CCDC88A: variants seen among roughly 807,000 people sequenced by gnomAD.
The protein encoded by CCDC88A is coiled-coil and HOOK domain protein 88A.
Under a neutral mutation model 234.3 loss-of-function variants are expected in CCDC88A, and 54 were observed. That is an observed-to-expected ratio of 0.23 (90% CI 0.19 to 0.29). The LOEUF is 0.29. Among genes scored for constraint, CCDC88A ranks in the 10% least tolerant of loss-of-function variants. The pLI, the probability that CCDC88A is intolerant of heterozygous loss-of-function variation, is 1.00. For synonymous variants in CCDC88A, 753 were observed against 737.8 expected, an observed-to-expected ratio of 1.02 and a Z score of -0.33; for missense variants, 1,832 against 2,123.4, an observed-to-expected ratio of 0.86 and a Z score of 2.70.
Position 55,349,329 on chromosome 2 carries a change from A to C in CCDC88A, c.882+189T>G, listed in dbSNP as rs1669578355. 3.5e-5 allele frequency: 20 copies of C among 570,808 alleles called. 1 individual carries two copies. In the South Asian group the frequency reaches 4.7e-4, roughly 13 times the overall value. The allele number at this position is 570,808 out of a possible 1,614,324, so 35.4% of individuals were successfully genotyped here. A position where few individuals can be genotyped will look rare whatever the true frequency, so the allele number is the denominator to read the frequency against. ...ATCTTAGCAGAGTTTGAACAGCATT[A>C]ATATGGAAGAAAGTTTGGCTCTGAC... On this transcript the variant is annotated intron_variant, in intron 9 of 32. Transcript: ENST00000436346.
At chr2:55,306,994 GGA>G (rs1681661536) in intron 25 of CCDC88A, among the ~76,000 whole-genome samples, 1 of 152,126 alleles carries the variant, frequency 6.6e-6, no homozygotes. Context: ...TTGCCCATTT[GGA>G]GAGTCTACCC....
chr2:55,322,112 T>C (rs1430644201), intron 18 of CCDC88A, among the ~76,000 whole-genome samples: 2 of 152,166 alleles, frequency 1.3e-5, no homozygotes, highest in Non-Finnish European at 2.9e-5. Context: ...CTATTCTAGA[T>C]AGTAAAGGCA....
At chr2:55,305,925 T>A (rs929525686) in intron 25 of CCDC88A, among the ~76,000 whole-genome samples, 61 of 151,888 alleles carry the variant, frequency 4.0e-4, no homozygotes, top group African/African-American at 1.4e-3. Context: ...TTCTTTTTTG[T>A]TTTTTTTGAG....
At chr2:55,333,162 T>C (rs11894557) in intron 15 of CCDC88A, among the ~76,000 whole-genome samples, 5,290 of 152,266 alleles carry the variant, frequency 0.035, 279 homozygotes, top group African/African-American at 0.12. Flanking sequence ...TTCATGTTTA[T>C]AAGTCTACAG....
At chr2:55,341,500 A>T (rs768805977) in intron 12 of CCDC88A, among the ~76,000 whole-genome samples, 41 of 149,398 alleles carry the variant, frequency 2.7e-4, no homozygotes, top group Non-Finnish European at 3.9e-4. Flanking sequence ...GCTGGAGTGC[A>T]ATAGGATGAT....
intron 8 of CCDC88A, chr2:55,350,712 T>C (rs1669765934): frequency 6.6e-6 from 1 of 151,976 alleles, no homozygotes; most frequent in Non-Finnish European, 1.5e-5. Context: ...CAAGCTGGAG[T>C]GCAGTGGCAT....
At chr2:55,389,969 A>C (rs1574421579) in intron 2 of CCDC88A, among the ~76,000 whole-genome samples, 1 of 140,312 alleles carries the variant, frequency 7.1e-6, no homozygotes, top group East Asian at 2.1e-4. Flanking sequence ...TGAACCCAGG[A>C]GGCAGAGGTT....
In CCDC88A at chr2:55,303,144, G is replaced by C; in HGVS notation, c.4396C>G (p.Leu1466Val). 1.3e-6 allele frequency: 2 copies of C among 1,548,346 alleles called. No individual in the cohort carries two copies. The highest frequency in any genetic ancestry group is 2.4e-5 in the East Asian group (1 of 40,892). Residue 1466 changes from leucine to valine, a missense_variant, in exon 26 of 33, where the codon CTG (leucine) becomes GTG (valine). By Grantham distance (32) the Leu-to-Val change is conservative. Coordinates refer to ENST00000436346, the MANE Select transcript of CCDC88A (RefSeq NM_001365480.1). ...TTCCTCAAAAAGGGCAGTCTTTTCA[G>C]TGCAACCACTTTAATGTCAGAGCAT... ...LGTKKSSMVA[L>V]KRLPFLRNRP...
chr2:55,304,409 G>C (rs761875331), intron 25 of CCDC88A, among the ~76,000 whole-genome samples: 4 of 152,036 alleles, frequency 2.6e-5, no homozygotes, highest in Non-Finnish European at 4.4e-5. Flanking sequence ...GCATTATTTA[G>C]CAGCACCACT....
At chr2:55,372,715 GAAGGGCTAATGGATA>G (rs1399375263) in intron 4 of CCDC88A, among the ~76,000 whole-genome samples, 3 of 152,290 alleles carry the variant, frequency 2.0e-5, no homozygotes, top group Admixed American at 6.5e-5. Context: ...TATCAATTTT[GAAGGGCTAATGGATA>G]AAGAGGTTTC....
chr2:55,357,390 T>TCTCTCCCTCCC (rs1670733108), intron 7 of CCDC88A, among the ~76,000 whole-genome samples: 1 of 148,056 alleles, frequency 6.8e-6, no homozygotes, highest in East Asian at 2.0e-4. Flanking sequence ...CTCTCCCTCC[T>TCTCTCCCTCCC]CTCTCTCCTC....
At chr2:55,340,499 T>C (rs2104708704) in intron 12 of CCDC88A, among the ~76,000 whole-genome samples, 1 of 152,338 alleles carries the variant, frequency 6.6e-6, no homozygotes, top group South Asian at 2.1e-4. Context: ...GTTGTTAATC[T>C]TTTACTGAAA....
rs1397348816 is a variant in CCDC88A, at chr2:55,334,698, C to T, written c.2123G>A (p.Arg708Lys). 3 of 1,613,402 alleles carry T rather than the reference C, an allele frequency of 1.9e-6. No homozygotes were observed. The highest frequency in any genetic ancestry group is 1.7e-5 in the Admixed American group (1 of 59,980). Reference protein sequence around the residue: ...QLDEENLELRRNVESLKCASM... With the variant: ...QLDEENLELRKNVESLKCASM... ...TGCACACTTCAAAGATTCTACATTC[C>T]TTCGCAGTTCTAAGTTTTCCTCATC... The change falls in exon 15 of 33, where the codon AGG becomes AAG. Residue 708 changes from arginine to lysine, a missense_variant. Arg to Lys is a conservative substitution (Grantham distance 26). Transcript: ENST00000436346. The surrounding 1 kb of genome is among the most constrained non-coding windows in gnomAD (Gnocchi z 6.1).
At chr2:55,352,092 T>C (rs953481127) in intron 8 of CCDC88A, among the ~76,000 whole-genome samples, 2 of 152,098 alleles carry the variant, frequency 1.3e-5, no homozygotes, top group Non-Finnish European at 2.9e-5. Flanking sequence ...AGACAGTGAC[T>C]GTTACTGAAT....
rs556934345 is a variant in CCDC88A at position 55,348,102 on chromosome 2, C to T, written c.882+1416G>A. ...TCAGTCTCCCAAGTAGCTGGGACTA[C>T]AGGCGAGTGCCCCATTACGTGCAGC... On this transcript the variant is annotated intron_variant, in intron 9 of 32. Coordinates refer to ENST00000436346, the MANE Select transcript of CCDC88A (RefSeq NM_001365480.1). Among the ~76,000 whole-genome samples the T allele has an allele frequency of 2.0e-4, 31 of 152,132 alleles. No homozygotes were observed. In the South Asian group the frequency reaches 6.4e-3, roughly 32 times the overall value.
chr2:55,309,268 A>G lies in CCDC88A; in HGVS notation c.4080-14T>C, dbSNP rs1257127632. On this transcript the variant is annotated splice_polypyrimidine_tract_variant and intron_variant, in intron 23 of 32. Coordinates refer to ENST00000436346, the MANE Select transcript of CCDC88A (RefSeq NM_001365480.1). The surrounding 1 kb of genome is among the most constrained non-coding windows in gnomAD (Gnocchi z 5.1). ...TTTAACTTATCACTATAAAATAAAA[A>G]TTACCTTTTAGGACAGGCATCATAT... is the stretch of plus-strand genomic sequence containing the variant. The G allele has an allele frequency of 8.3e-7, 1 of 1,206,240 alleles. No individual in the cohort carries two copies. Among genetic ancestry groups the G allele is most frequent in the Admixed American group, 2.0e-5 (1 of 49,900 alleles). The allele number at this position is 1,206,240 out of a possible 1,614,324, so 74.7% of individuals were successfully genotyped here.
intron 2 of CCDC88A, chr2:55,403,465 C>T (rs1346193804): frequency 1.3e-5 from 2 of 152,204 alleles, no homozygotes; most frequent in Non-Finnish European, 2.9e-5. Context: ...TTATACCTTA[C>T]AAGTGTGTAA....
chr2:55,316,099 A>G lies in CCDC88A; in HGVS notation c.3762T>C (p.Tyr1254=), dbSNP rs774369072. Residue 1254 remains tyrosine (Y), a synonymous_variant, in exon 22 of 33, where the codon TAT becomes TAC. Transcript: ENST00000436346. The part of the protein sequence containing the change: ...CGENDRLNHT[Y]SQLLKETEVL... ...CTTCAGTCTCTTTTAAAAGTTGACT[A>G]TAGGTATGATTCAGCCTATAATTAG... 7 of 1,478,720 alleles carry G rather than the reference A, an allele frequency of 4.7e-6. No homozygotes were observed. Among genetic ancestry groups the G allele is most frequent in the Admixed American group, 3.9e-5 (2 of 51,442 alleles). 91.6% of individuals were successfully genotyped at this position (1,478,720 alleles called of 1,614,324 possible). A position where few individuals can be genotyped will look rare whatever the true frequency, so the allele number is the denominator to read the frequency against.
intron 5 of CCDC88A, among the ~76,000 whole-genome samples, chr2:55,369,452 T>A (rs1350757017): frequency 4.5e-5 from 2 of 44,536 alleles, no homozygotes; most frequent in African/African-American, 5.0e-4. Context: ...AACCACACTT[T>A]TTTTTTTTTT....
Sources: allele counts gnomAD v4.1 joint callset (sites outside exome capture counted in the v4.1 genomes callset), GRCh38; gene constraint gnomAD v4.1.1; non-coding constraint Gnocchi (gnomAD v3.1); transcripts MANE v1.5; gene names NCBI Gene and HGNC (gene_info 2026-07-23, HGNC 2026-07-21).